Variants in PITPNC1 observed in about 807,000 individuals in gnomAD.
The protein encoded by PITPNC1 is cytoplasmic phosphatidylinositol transfer protein 1.
In PITPNC1, 18 loss-of-function variants were observed where a neutral mutation model predicts 44.7. The ratio of observed to expected loss-of-function variants is 0.40; its 90% CI spans 0.28 to 0.60. PITPNC1 has a LOEUF of 0.60. Ranked by LOEUF, PITPNC1 falls within the 20% of genes least tolerant of loss-of-function variation. PITPNC1 has a pLI of 0.39. For synonymous variants in PITPNC1, 141 were observed against 149.6 expected (o/e 0.94, Z 0.42); for missense variants, 290 against 418.4 (o/e 0.69, Z 2.68).
chr17:67,477,873 T>A (rs2039652381), intron 1 of PITPNC1, among the ~76,000 whole-genome samples: 1 of 152,162 alleles, frequency 6.6e-6, no homozygotes, highest in Non-Finnish European at 1.5e-5. Context: ...CATGGCCAGC[T>A]GAGTGTTCCA....
intron 1 of PITPNC1, among the ~76,000 whole-genome samples, chr17:67,474,707 G>A (rs2039600021): frequency 6.6e-6 from 1 of 152,116 alleles, no homozygotes; most frequent in Non-Finnish European, 1.5e-5. Context: ...AGGCTGGAGT[G>A]CAGTGGCATG....
intron 1 of PITPNC1, among the ~76,000 whole-genome samples, chr17:67,441,332 CCCACA>C (rs1430655034): frequency 6.7e-6 from 1 of 148,968 alleles, no homozygotes; most frequent in Admixed American, 6.7e-5. Flanking sequence ...AAACGCATTT[CCCACA>C]CCTGATGATT....
intron 1 of PITPNC1, among the ~76,000 whole-genome samples, chr17:67,511,792 A>G (rs1003541175): frequency 1.3e-5 from 2 of 152,180 alleles, no homozygotes; most frequent in African/African-American, 2.4e-5. Context: ...TACAGGCATG[A>G]GCCATTGCAC....
At chr17:67,459,859 C>T (rs1412865012) in intron 1 of PITPNC1, 2 of 152,186 alleles carry the variant, frequency 1.3e-5, no homozygotes, top group African/African-American at 2.4e-5. Context: ...CCCATGGTAA[C>T]TTCATTGGTA....
chr17:67,650,947 A>G (rs1035061), intron 6 of PITPNC1, among the ~76,000 whole-genome samples: 35,655 of 151,884 alleles, frequency 0.23, 6,736 homozygotes, highest in African/African-American at 0.53. Flanking sequence ...TATGAGTCAA[A>G]CTCCTTTAAG....
At chr17:67,476,874 G>T (rs1193213442) in intron 1 of PITPNC1, among the ~76,000 whole-genome samples, 1 of 152,144 alleles carries the variant, frequency 6.6e-6, no homozygotes, top group African/African-American at 2.4e-5. Flanking sequence ...TCTCCTCCAG[G>T]TGTGGTCCAT....
intron 4 of PITPNC1, among the ~76,000 whole-genome samples, chr17:67,570,758 T>G (rs2041043534): frequency 1.3e-5 from 2 of 150,902 alleles, no homozygotes; most frequent in South Asian, 4.2e-4. Context: ...AACTGAAGTC[T>G]GTTTTACTCC....
chr17:67,500,929 G>T (rs1374939662), intron 1 of PITPNC1, among the ~76,000 whole-genome samples: 1 of 151,710 alleles, frequency 6.6e-6, no homozygotes, highest in African/African-American at 2.4e-5. Context: ...GGCTCAAGCA[G>T]TCCTCCCATC....
intron 5 of PITPNC1, among the ~76,000 whole-genome samples, chr17:67,598,247 A>G (rs574002097): frequency 6.6e-6 from 1 of 152,318 alleles, no homozygotes; most frequent in Non-Finnish European, 1.5e-5. Context: ...AAAAAAGAAA[A>G]GAAAAGAAAA....
intron 1 of PITPNC1, among the ~76,000 whole-genome samples, chr17:67,516,080 G>C (rs908478064): frequency 1.3e-5 from 2 of 152,070 alleles, no homozygotes; most frequent in Non-Finnish European, 2.9e-5. Flanking sequence ...GTACCCCTGG[G>C]TTACTTCCCC....
intron 5 of PITPNC1, among the ~76,000 whole-genome samples, chr17:67,625,396 A>G (rs1241561039): frequency 6.6e-6 from 1 of 152,162 alleles, no homozygotes; most frequent in Admixed American, 6.5e-5. Context: ...ACGTGACCTC[A>G]GCAGATCTCT....
At chr17:67,592,645 A>T (rs2041407880) in intron 5 of PITPNC1, among the ~76,000 whole-genome samples, 1 of 152,262 alleles carries the variant, frequency 6.6e-6, no homozygotes, top group Non-Finnish European at 1.5e-5. Flanking sequence ...TGATCATGTG[A>T]ATTTGATACA....
chr17:67,686,939 A>G, intron 8 of PITPNC1: 1 of 632,734 alleles, frequency 1.6e-6, no homozygotes, highest in Non-Finnish European at 2.8e-6. Context: ...ACTCATCATA[A>G]AGTTAGACAA....
At chr17:67,441,905 C>T (rs933641363) in intron 1 of PITPNC1, among the ~76,000 whole-genome samples, 6 of 152,022 alleles carry the variant, frequency 3.9e-5, no homozygotes, top group Non-Finnish European at 7.4e-5. Context: ...CAGGAACTTA[C>T]TGAGCTGGGT....
At chr17:67,494,201 C>CTT (rs1261689727) in intron 1 of PITPNC1, among the ~76,000 whole-genome samples, 62 of 145,800 alleles carry the variant, frequency 4.3e-4, no homozygotes, top group African/African-American at 1.6e-3. Flanking sequence ...TTCTTTCTTT[C>CTT]TTTCTTTCTT....
intron 2 of PITPNC1, among the ~76,000 whole-genome samples, chr17:67,536,624 G>C (rs1262542349): frequency 6.6e-6 from 1 of 152,110 alleles, no homozygotes; most frequent in Non-Finnish European, 1.5e-5. Context: ...GAGAAAACTT[G>C]ATCAATCCAC....
intron 1 of PITPNC1, among the ~76,000 whole-genome samples, chr17:67,478,789 A>G (rs2039664989): frequency 1.3e-5 from 2 of 152,140 alleles, no homozygotes; most frequent in South Asian, 4.1e-4. Flanking sequence ...GAAGCCATTC[A>G]TTAGTTGCCA....
intron 1 of PITPNC1, among the ~76,000 whole-genome samples, chr17:67,436,160 C>G (rs1051053191): frequency 1.3e-5 from 2 of 150,514 alleles, no homozygotes; most frequent in Admixed American, 1.3e-4. Flanking sequence ...ACCCAGCCAC[C>G]CAGCTAATTT....
chr17:67,647,381 C>T (rs1404625402), intron 6 of PITPNC1, among the ~76,000 whole-genome samples: 1 of 151,720 alleles, frequency 6.6e-6, no homozygotes, highest in Non-Finnish European at 1.5e-5. Flanking sequence ...GTCTTGACCT[C>T]CTGGGTTTAA....
Sources: gnomAD v4.1 joint callset for allele counts (sites outside exome capture counted in the v4.1 genomes callset) on GRCh38, gnomAD v4.1.1 for gene constraint, MANE v1.5 for transcripts, NCBI Gene and HGNC (gene_info 2026-07-23, HGNC 2026-07-21) for gene names.